Variants in DGKB observed in about 807,000 individuals in gnomAD.
DGKB encodes the protein diacylglycerol kinase beta, also known as 90 kDa diacylglycerol kinase.
In DGKB, 67 loss-of-function variants were observed where a neutral mutation model predicts 114.3. The ratio of observed to expected loss-of-function variants is 0.59; its 90% CI spans 0.48 to 0.72. DGKB has a LOEUF of 0.72. Ranked by LOEUF, DGKB falls within the 30% of genes least tolerant of loss-of-function variation. The probability of loss-of-function intolerance (pLI) is 0.00; values close to 1 mark genes in which losing one functional copy is unlikely to be tolerated. For synonymous variants in DGKB, 398 were observed against 323.1 expected (o/e 1.23, Z -2.49); for missense variants, 907 against 975.2 (o/e 0.93, Z 0.93).
chr7:14,438,513 C>T (rs1829608244), intron 21 of DGKB, among the ~76,000 whole-genome samples: 1 of 152,036 alleles, frequency 6.6e-6, no homozygotes, highest in African/African-American at 2.4e-5. Context: ...ATTTACTGCC[C>T]AAAGCCCCTA....
At chr7:14,253,390 G>T (rs1469162282) in intron 23 of DGKB, among the ~76,000 whole-genome samples, 1 of 152,100 alleles carries the variant, frequency 6.6e-6, no homozygotes, top group East Asian at 1.9e-4. Flanking sequence ...CTGCCGTCTT[G>T]CTGTCACTTG....
At chr7:14,418,381 A>ACACACACATATTCACATATATATGTGTG (rs747200137) in intron 21 of DGKB, among the ~76,000 whole-genome samples, 1 of 142,384 alleles carries the variant, frequency 7.0e-6, no homozygotes, top group Admixed American at 7.2e-5. Flanking sequence ...GTATATATAT[A>ACACACACATATTCACATATATATGTGTG]TATATATATA....
At chr7:14,450,922 T>A (rs1661886988) in intron 21 of DGKB, among the ~76,000 whole-genome samples, 1 of 151,902 alleles carries the variant, frequency 6.6e-6, no homozygotes, top group African/African-American at 2.4e-5. Flanking sequence ...GGTGGGATGT[T>A]GAGAATGAAG....
chr7:14,628,307 A>ATG (rs139191761), intron 14 of DGKB, among the ~76,000 whole-genome samples: 236 of 150,572 alleles, frequency 1.6e-3, no homozygotes, highest in African/African-American at 2.5e-3. Flanking sequence ...AACACAAGTT[A>ATG]TGTGTGTGTG....
chr7:14,176,971 G>C (rs550985300), intron 24 of DGKB, 72 bp from the exon 25 acceptor site: 1 of 1,581,520 alleles, frequency 6.3e-7, no homozygotes, highest in African/African-American at 1.3e-5. Flanking sequence ...TGAGATATAA[G>C]ATGATGAGAC....
At chr7:14,624,381 A>T (rs1808200989) in intron 14 of DGKB, among the ~76,000 whole-genome samples, 1 of 152,198 alleles carries the variant, frequency 6.6e-6, no homozygotes, top group African/African-American at 2.4e-5. Context: ...CATTCAATTT[A>T]TAAAATGCTT....
chr7:14,753,905 TAATAG>T lies in DGKB; in HGVS notation c.168+18_168+22del, dbSNP rs1359694574. ...GAATAAAGAAAGAAAAGACAGACTT[TAATAG>T]AAAAGAAAATGTCTTACTTGGTTAA... On this transcript the variant is annotated intron_variant, in intron 4 of 25. Coordinates refer to ENST00000402815, the MANE Select transcript of DGKB (RefSeq NM_001350709.2). The T allele has an allele frequency of 5.6e-6, 8 of 1,426,732 alleles. 1 individual carries two copies. In the South Asian group the frequency reaches 9.8e-5, roughly 18 times the overall value. The allele number at this position is 1,426,732 out of a possible 1,614,324, so 88.4% of individuals were successfully genotyped here. A position where few individuals can be genotyped will look rare whatever the true frequency, so the allele number is the denominator to read the frequency against.
At chr7:14,825,278 G>A (rs1845544969) in intron 2 of DGKB, among the ~76,000 whole-genome samples, 1 of 151,598 alleles carries the variant, frequency 6.6e-6, no homozygotes, top group Non-Finnish European at 1.5e-5. Flanking sequence ...AGGGAGTGGG[G>A]AAATGGTTTC....
chr7:14,961,658 A>C (rs952529337), intron 1 of DGKB, among the ~76,000 whole-genome samples: 1 of 152,096 alleles, frequency 6.6e-6, no homozygotes, highest in Non-Finnish European at 1.5e-5. Context: ...TATGACACAA[A>C]TGTCGGGCCA....
At chr7:14,436,125 A>T (rs1829222839) in intron 21 of DGKB, among the ~76,000 whole-genome samples, 1 of 152,134 alleles carries the variant, frequency 6.6e-6, no homozygotes, top group South Asian at 2.1e-4. Context: ...CAGATAAAAA[A>T]ATTTGAGAGA....
chr7:14,182,125 C>T (rs1312854645), intron 23 of DGKB, among the ~76,000 whole-genome samples: 2 of 152,072 alleles, frequency 1.3e-5, no homozygotes, highest in Non-Finnish European at 2.9e-5. Context: ...ATAGTTGTTA[C>T]AATATTTCCT....
chr7:14,463,713 A>G (rs1202660951), intron 21 of DGKB, among the ~76,000 whole-genome samples: 2 of 152,204 alleles, frequency 1.3e-5, no homozygotes, highest in Non-Finnish European at 2.9e-5. Context: ...AAATTGCTAC[A>G]TATGTAAACT....
intron 2 of DGKB, 129 bp downstream of exon 2, chr7:14,841,065 G>T: frequency 4.0e-6 from 3 of 759,474 alleles, no homozygotes; most frequent in East Asian, 3.0e-5. Flanking sequence ...AACCTGACTT[G>T]TAAACACAAA....
intron 14 of DGKB, among the ~76,000 whole-genome samples, chr7:14,621,904 T>C (rs1807723127): frequency 6.6e-6 from 1 of 152,142 alleles, no homozygotes; most frequent in Admixed American, 6.6e-5. Context: ...TTATTTTTAA[T>C]TGCATGATGG....
At chr7:14,404,911 C>T (rs1386760295) in intron 21 of DGKB, among the ~76,000 whole-genome samples, 1 of 151,806 alleles carries the variant, frequency 6.6e-6, no homozygotes, top group East Asian at 1.9e-4. Flanking sequence ...GAAACCCAAG[C>T]TTCAGACCAG....
chr7:14,711,225 T>C (rs1827303031), intron 6 of DGKB, among the ~76,000 whole-genome samples: 1 of 152,032 alleles, frequency 6.6e-6, no homozygotes, highest in Admixed American at 6.6e-5. Context: ...CCTGTCTAAT[T>C]CATCAAGGAA....
intron 25 of DGKB, among the ~76,000 whole-genome samples, chr7:14,169,991 A>G (rs987533449): frequency 5.9e-5 from 9 of 151,636 alleles, no homozygotes; most frequent in Admixed American, 3.9e-4. Flanking sequence ...AAAATTAGCC[A>G]GGTGTGGTGG....
At chr7:14,746,558 G>A (rs1833316394) in intron 4 of DGKB, among the ~76,000 whole-genome samples, 1 of 152,032 alleles carries the variant, frequency 6.6e-6, no homozygotes, top group Non-Finnish European at 1.5e-5. Flanking sequence ...GAGTGCAATG[G>A]CGTGATCTTG....
intron 20 of DGKB, among the ~76,000 whole-genome samples, chr7:14,549,918 G>A (rs1054624357): frequency 1.3e-5 from 2 of 152,062 alleles, no homozygotes; most frequent in African/African-American, 2.4e-5. Flanking sequence ...AACCCTGGGA[G>A]GTGGAGGTTG....
Sources: allele counts gnomAD v4.1 joint callset (sites outside exome capture counted in the v4.1 genomes callset), GRCh38; gene constraint gnomAD v4.1.1; transcripts MANE v1.5; gene names NCBI Gene and HGNC (gene_info 2026-07-23, HGNC 2026-07-21).